Variants in CMSS1 observed in about 807,000 individuals in gnomAD.
The protein encoded by CMSS1 is protein CMSS1.
CMSS1 carries 33 observed loss-of-function variants against 43.5 expected under a neutral mutation model. That is an observed-to-expected ratio of 0.76 (90% CI 0.57 to 1.01). CMSS1 has a LOEUF of 1.01. Among genes scored for constraint, CMSS1 ranks in the 50% least tolerant of loss-of-function variants. The pLI is 0.00. For missense variants in CMSS1, 313 were observed against 326.4 expected, an observed-to-expected ratio of 0.96 and a Z score of 0.32; for synonymous variants, 115 against 117.2, an observed-to-expected ratio of 0.98 and a Z score of 0.12.
At chr3:100,062,705 T>C (rs1216460221) in intron 1 of CMSS1, among the ~76,000 whole-genome samples, 5 of 152,236 alleles carry the variant, frequency 3.3e-5, no homozygotes, top group Non-Finnish European at 7.3e-5. Context: ...AAAGCCCCTA[T>C]ATCTTAGGCT....
At position 100,080,095 on chromosome 3, in the gene CMSS1, T is replaced by C. The variant is rs1000144746; in HGVS notation, c.65-66878T>C. 2.0e-5 allele frequency among the ~76,000 whole-genome samples: 3 copies of C among 152,092 alleles called. 1 individual carries two copies. Among genetic ancestry groups the C allele is most frequent in the Non-Finnish European group, 4.4e-5 (3 of 68,012 alleles). On this transcript the variant is annotated intron_variant, in intron 1 of 9. Coordinates refer to ENST00000421999, the MANE Select transcript of CMSS1 (RefSeq NM_032359.4). The stretch of plus-strand genomic sequence containing the variant: ...GCACCCTCTTTTAACTTTTACTCCA[T>C]CCCTCTGCTGAAATAAGCTATTTTT...
Position 100,167,797 on chromosome 3 carries a change from C to T in CMSS1, c.475C>T (p.Leu159=). Residue 159 remains leucine (L), a synonymous_variant, in exon 6 of 10, where the codon CTG becomes TTG. Coordinates refer to ENST00000421999, the MANE Select transcript of CMSS1 (RefSeq NM_032359.4). Reference sequence around the variant, plus strand: ...CAGTGAGAAGAAATCGGTCCTGATGCTGATCATCTGCAGCTCGGCCGTCCG... The same window carrying T: ...CAGTGAGAAGAAATCGGTCCTGATGTTGATCATCTGCAGCTCGGCCGTCCG... The part of the protein sequence containing the change: ...NHSEKKSVLM[L]IICSSAVRAL... 1 of 1,613,248 alleles carries T rather than the reference C, an allele frequency of 6.2e-7. No homozygotes were observed. Among genetic ancestry groups the T allele is most frequent in the Non-Finnish European group, 8.5e-7 (1 of 1,179,708 alleles).
chr3:99,854,684 T>TGG (rs35225638), intron 1 of CMSS1, among the ~76,000 whole-genome samples: 17 of 151,962 alleles, frequency 1.1e-4, no homozygotes, highest in African/African-American at 3.4e-4. Flanking sequence ...AAATGTCTCC[T>TGG]GGGGGGCAGT....
In CMSS1 at chr3:100,007,533, G is replaced by A. The variant is rs75489599; in HGVS notation, c.65-139440G>A. Among the ~76,000 whole-genome samples, 15 of 152,142 alleles carry A rather than the reference G, an allele frequency of 9.9e-5. No homozygotes were observed. In the East Asian group the frequency reaches 1.2e-3, roughly 12 times the overall value. On this transcript the variant is annotated intron_variant, in intron 1 of 9. Coordinates refer to ENST00000421999, the MANE Select transcript of CMSS1 (RefSeq NM_032359.4). ...AGTCAGCAGAAACAGTAAGAGATCC[G>A]TTATGTAATGAAGAAGAGAGTCAGG...
chr3:99,889,799 C>G (rs773247860), intron 1 of CMSS1, among the ~76,000 whole-genome samples: 5 of 151,942 alleles, frequency 3.3e-5, no homozygotes, highest in Non-Finnish European at 7.4e-5. Flanking sequence ...TATATTAATC[C>G]TCCTCCAAAA....
At chr3:100,041,994 A>G (rs538608701) in intron 1 of CMSS1, among the ~76,000 whole-genome samples, 2 of 152,280 alleles carry the variant, frequency 1.3e-5, no homozygotes, top group Admixed American at 6.5e-5. Context: ...CTTCAGCTAT[A>G]TGATCTGAGT....
Position 100,176,376 on chromosome 3 carries a change from G to C in CMSS1, c.717G>C (p.Trp239Cys), listed in dbSNP as rs762722346. ...AATTTCTGGTTTTTGACTGGAACTGGAGAGATCAGAAGTTGAGGAGAATGA... is the reference window on the plus strand; with the variant it reads ...AATTTCTGGTTTTTGACTGGAACTGCAGAGATCAGAAGTTGAGGAGAATGA... ...PLKFLVFDWN[W>C]RDQKLRRMMD... The change falls in exon 9 of 10, where the codon TGG (tryptophan) becomes TGC (cysteine). Residue 239 changes from tryptophan (W) to cysteine (C), a missense_variant. Coordinates refer to ENST00000421999, the MANE Select transcript of CMSS1 (RefSeq NM_032359.4). 11 of 1,613,602 alleles carry C rather than the reference G, an allele frequency of 6.8e-6. No individual in the cohort carries two copies. The highest frequency in any genetic ancestry group is 8.5e-6 in the Non-Finnish European group (10 of 1,179,710).
intron 1 of CMSS1, among the ~76,000 whole-genome samples, chr3:99,863,844 A>G (rs1300828028): frequency 6.6e-6 from 1 of 152,208 alleles, no homozygotes; most frequent in Non-Finnish European, 1.5e-5. Flanking sequence ...GCAAACATAA[A>G]TAAAGATTCT....
intron 1 of CMSS1, among the ~76,000 whole-genome samples, chr3:99,822,882 C>A (rs1187978688): frequency 6.6e-6 from 1 of 152,056 alleles, no homozygotes; most frequent in African/African-American, 2.4e-5. Context: ...CTGTTGTTAT[C>A]TTTATTTTAC....
intron 1 of CMSS1, among the ~76,000 whole-genome samples, chr3:100,064,146 G>A (rs1010115153): frequency 7.2e-5 from 11 of 152,224 alleles, no homozygotes; most frequent in African/African-American, 2.4e-4. Context: ...GAGGTCTGCT[G>A]TAAACCTTCA....
At chr3:99,881,189 A>G (rs565630627) in intron 1 of CMSS1, among the ~76,000 whole-genome samples, 14 of 152,320 alleles carry the variant, frequency 9.2e-5, no homozygotes, top group Non-Finnish European at 2.1e-4. Context: ...ACTAGTAGGT[A>G]AGTAGAATGA....
intron 1 of CMSS1, among the ~76,000 whole-genome samples, chr3:100,091,928 G>A (rs552299077): frequency 6.6e-6 from 1 of 152,222 alleles, no homozygotes; most frequent in African/African-American, 2.4e-5. Context: ...CAGGTTCTAG[G>A]GTCAGATTTC....
At chr3:99,838,633 C>T (rs1942994963) in intron 1 of CMSS1, among the ~76,000 whole-genome samples, 1 of 152,106 alleles carries the variant, frequency 6.6e-6, no homozygotes, top group South Asian at 2.1e-4. Flanking sequence ...ATTTAAAACC[C>T]CTTGCAACTC....
intron 1 of CMSS1, among the ~76,000 whole-genome samples, chr3:99,833,785 T>G (rs1942783527): frequency 6.6e-6 from 1 of 152,208 alleles, no homozygotes; most frequent in Non-Finnish European, 1.5e-5. Flanking sequence ...TATGTGGTAA[T>G]TGAGGTGGTG....
intron 1 of CMSS1, among the ~76,000 whole-genome samples, chr3:99,875,491 G>A (rs1421103870): frequency 6.6e-6 from 1 of 152,104 alleles, no homozygotes; most frequent in African/African-American, 2.4e-5. Flanking sequence ...TTACTTCCTT[G>A]TACAAATTGA....
intron 1 of CMSS1, among the ~76,000 whole-genome samples, chr3:99,973,969 G>A (rs904348448): frequency 6.6e-6 from 1 of 152,232 alleles, no homozygotes; most frequent in Non-Finnish European, 1.5e-5. Flanking sequence ...GTAACCCACA[G>A]TTCCAAATAG....
intron 1 of CMSS1, among the ~76,000 whole-genome samples, chr3:99,937,255 T>C (rs1001610398): frequency 6.6e-6 from 1 of 152,186 alleles, no homozygotes; most frequent in Non-Finnish European, 1.5e-5. Context: ...TTTTCATATG[T>C]GGACCAATCT....
In CMSS1 at chr3:99,948,762, GAAGGAAAGAAAAAGAGA is replaced by G. The variant is rs376257939; in HGVS notation, c.64+130738_64+130754del. Among the ~76,000 whole-genome samples, 1,003 of 151,532 alleles carry G rather than the reference GAAGGAAAGAAAAAGAGA, an allele frequency of 6.6e-3. 7 individuals are homozygous for G. The highest frequency in any genetic ancestry group is 0.019 in the African/African-American group (768 of 41,238). ...GAAAGGAAAAAAGAGGAAAAGGAAGGAAGGAAAGAAAAAGAGAAAGGAAAGAAAAAGAGAAGAAAGAA... is the reference window on the plus strand; with the variant it reads ...GAAAGGAAAAAAGAGGAAAAGGAAGGAAGGAAAGAAAAAGAGAAGAAAGAA... On this transcript the variant is annotated intron_variant, in intron 1 of 9. Transcript: ENST00000421999.
At chr3:100,168,742 T>G (rs995298693) in intron 6 of CMSS1, among the ~76,000 whole-genome samples, 1 of 149,252 alleles carries the variant, frequency 6.7e-6, no homozygotes, top group Non-Finnish European at 1.5e-5. Flanking sequence ...ATTGTGTTGT[T>G]TTTTTTTTTA....
Sources: allele counts gnomAD v4.1 joint callset (sites outside exome capture counted in the v4.1 genomes callset), GRCh38; gene constraint gnomAD v4.1.1; transcripts MANE v1.5; gene names NCBI Gene and HGNC (gene_info 2026-07-23, HGNC 2026-07-21).